Variants in COL28A1 observed in about 807,000 individuals in gnomAD.
The protein encoded by COL28A1 is collagen type XXVIII alpha 1 chain, also known as collagen alpha-1(XXVIII) chain.
A neutral mutation model predicts 150.2 loss-of-function variants in COL28A1; 161 were observed. The observed-to-expected ratio is 1.07, with a 90% CI of 0.94 to 1.22. The LOEUF is 1.22. Ranked by LOEUF, COL28A1 falls within the 50% of genes most tolerant of loss-of-function variation. COL28A1 has a pLI of 0.00. For missense variants in COL28A1, 1,617 were observed against 1,388.3 expected, an observed-to-expected ratio of 1.16 and a Z score of -2.62; for synonymous variants, 552 against 469.7, an observed-to-expected ratio of 1.18 and a Z score of -2.26.
intron 18 of COL28A1, among the ~76,000 whole-genome samples, chr7:7,448,933 TTGGA>T (rs1786476312): frequency 6.6e-6 from 1 of 152,016 alleles, no homozygotes; most frequent in African/African-American, 2.4e-5. Flanking sequence ...TAGCAGATAA[TTGGA>T]AAGCAGATCT....
At chr7:7,496,036 T>G (rs1039357939) in intron 11 of COL28A1, among the ~76,000 whole-genome samples, 16 of 152,178 alleles carry the variant, frequency 1.1e-4, no homozygotes, top group African/African-American at 3.6e-4. Context: ...TCTGTCTGTC[T>G]GGGATGCTCT....
At chr7:7,449,023 G>A (rs915060156) in intron 18 of COL28A1, among the ~76,000 whole-genome samples, 4 of 152,104 alleles carry the variant, frequency 2.6e-5, no homozygotes, top group Non-Finnish European at 5.9e-5. Context: ...GAGGGTTACA[G>A]AAATATTTAT....
chr7:7,414,475 C>A (rs1307449858), intron 27 of COL28A1, among the ~76,000 whole-genome samples: 2 of 152,212 alleles, frequency 1.3e-5, no homozygotes, highest in Non-Finnish European at 2.9e-5. Flanking sequence ...CCAGTTGGGC[C>A]AGCAGAGGAA....
At chr7:7,517,298 A>G (rs540335870) in intron 7 of COL28A1, among the ~76,000 whole-genome samples, 12 of 152,290 alleles carry the variant, frequency 7.9e-5, no homozygotes, top group African/African-American at 2.9e-4. Context: ...ACTTACTGCA[A>G]TGCCCAGAAA....
chr7:7,428,259 G>C (rs968194859), intron 25 of COL28A1, among the ~76,000 whole-genome samples: 1 of 152,128 alleles, frequency 6.6e-6, no homozygotes, highest in African/African-American at 2.4e-5. Flanking sequence ...GATCTCCTCT[G>C]TGCAAAGATT....
chr7:7,356,134 T>C (rs1034892617), downstream of COL28A1: 35 of 151,642 alleles, frequency 2.3e-4, no homozygotes, highest in Admixed American at 2.3e-3. Context: ...ATAAAATATA[T>C]GGATTAGTTA....
At chr7:7,383,893 C>T (rs1243314471) in intron 27 of COL28A1, among the ~76,000 whole-genome samples, 1 of 151,890 alleles carries the variant, frequency 6.6e-6, no homozygotes, top group Non-Finnish European at 1.5e-5. Flanking sequence ...TAGGAGGAAA[C>T]TCTTACATCG....
chr7:7,536,376 G>C (rs4720739), upstream of COL28A1, among the ~76,000 whole-genome samples: 139,837 of 152,012 alleles, frequency 0.92, 64,333 homozygotes, highest in East Asian at 0.94. Context: ...TATAGTCATA[G>C]TTCTGCCCCT....
the COL28A1 span, among the ~76,000 whole-genome samples, chr7:7,344,519 A>T: frequency 6.6e-6 from 1 of 152,136 alleles, no homozygotes; most frequent in Non-Finnish European, 1.5e-5. Context: ...GCAACAATAT[A>T]GTTTCATTTA....
rs374042183 is a variant in COL28A1, at chr7:7,418,630, A to C, written c.2068-703T>G. ...AGTTCCTAAATTAACACTGGATGGA[A>C]GAAGCCTTCAGAAGTGCTGGGTTAA... On this transcript the variant is annotated intron_variant, in intron 26 of 34. Transcript: ENST00000399429. 7.9e-5 allele frequency among the ~76,000 whole-genome samples: 12 copies of C among 152,322 alleles called. 1 individual carries two copies. The highest frequency in any genetic ancestry group is 2.9e-4 in the African/African-American group (12 of 41,580).
At chr7:7,505,650 G>T (rs1331937167) in intron 11 of COL28A1, among the ~76,000 whole-genome samples, 2 of 152,128 alleles carry the variant, frequency 1.3e-5, no homozygotes, top group East Asian at 1.9e-4. Flanking sequence ...GTATATTGAG[G>T]TGGCATTACA....
At chr7:7,485,654 T>A (rs1238778415) in intron 13 of COL28A1, among the ~76,000 whole-genome samples, 2 of 152,226 alleles carry the variant, frequency 1.3e-5, no homozygotes, top group African/African-American at 4.8e-5. Context: ...GTGTGAGACT[T>A]AAATTGAGGT....
At chr7:7,423,860 C>T (rs948562223) in intron 25 of COL28A1, among the ~76,000 whole-genome samples, 4 of 152,128 alleles carry the variant, frequency 2.6e-5, no homozygotes, top group Admixed American at 6.5e-5. Flanking sequence ...AACCCTCAAC[C>T]TTTGGGAGTA....
At chr7:7,521,062 C>T (rs1452521156) in intron 5 of COL28A1, among the ~76,000 whole-genome samples, 1 of 152,080 alleles carries the variant, frequency 6.6e-6, no homozygotes. Flanking sequence ...TACACATTCC[C>T]CTCCCACCCC....
the COL28A1 span, among the ~76,000 whole-genome samples, chr7:7,542,501 A>T: frequency 2.0e-5 from 3 of 152,192 alleles, no homozygotes; most frequent in Non-Finnish European, 4.4e-5. Flanking sequence ...CAATTTTCAT[A>T]ACAAAATATT....
upstream of COL28A1, among the ~76,000 whole-genome samples, chr7:7,540,856 G>A (rs1057060110): frequency 6.6e-6 from 1 of 151,922 alleles, no homozygotes; most frequent in African/African-American, 2.4e-5. Flanking sequence ...TCTCCTCCAG[G>A]TTTGGACAGG....
chr7:7,416,659 C>G (rs1327201709), intron 27 of COL28A1, among the ~76,000 whole-genome samples: 1 of 152,108 alleles, frequency 6.6e-6, no homozygotes, highest in Non-Finnish European at 1.5e-5. Context: ...GGGCAACATG[C>G]CTATTTGGCC....
intron 8 of COL28A1, among the ~76,000 whole-genome samples, 188 bp from the exon 9 acceptor site, chr7:7,511,323 G>A (rs1030012822): frequency 2.6e-5 from 4 of 152,006 alleles, no homozygotes; most frequent in African/African-American, 9.7e-5. Flanking sequence ...TTTTACCCAA[G>A]AGTCATCCTT....
the COL28A1 span, among the ~76,000 whole-genome samples, chr7:7,339,358 C>G: frequency 1.3e-5 from 2 of 152,068 alleles, no homozygotes; most frequent in Non-Finnish European, 2.9e-5. Flanking sequence ...ACTGTTTTTG[C>G]TAAGGTCTCT....
Sources: allele counts gnomAD v4.1 joint callset (sites outside exome capture counted in the v4.1 genomes callset), GRCh38; gene constraint gnomAD v4.1.1; transcripts MANE v1.5; gene names NCBI Gene and HGNC (gene_info 2026-07-23, HGNC 2026-07-21).